The following REV1 variants were observed in gnomAD, a reference collection of about 807,000 sequenced individuals.
REV1 encodes REV1 DNA directed polymerase.
A neutral mutation model predicts 137.4 loss-of-function variants in REV1; 42 were observed. That is an observed-to-expected ratio of 0.31 (90% CI 0.24 to 0.40). REV1 has a LOEUF of 0.40. Among genes scored for constraint, REV1 ranks in the 10% least tolerant of loss-of-function variants. The pLI is 1.00. For missense variants in REV1, 1,282 were observed against 1,490.1 expected, an observed-to-expected ratio of 0.86 and a Z score of 2.30; for synonymous variants, 524 against 519.2, an observed-to-expected ratio of 1.01 and a Z score of -0.12.
In REV1 at chr2:99,462,536, T is replaced by C; in HGVS notation, c.141A>G (p.Thr47=). The C allele has an allele frequency of 6.2e-7, 1 of 1,613,636 alleles. No individual in the cohort carries two copies. The highest frequency in any genetic ancestry group is 8.5e-7 in the Non-Finnish European group (1 of 1,179,852). The change falls in exon 3 of 23, where the codon ACA becomes ACG. Residue 47 remains threonine (T), a synonymous_variant. Transcript: ENST00000258428. ...AAMQKDGTSS[T]IFSGVAIYVN... is the part of the protein sequence containing the mutation. ...CATAGATGGCAACTCCACTAAAAAT[T>C]GTAGATGAAGTCCCATCCTTCTGCA...
chr2:99,443,692 TA>T (rs1681803172), intron 4 of REV1, among the ~76,000 whole-genome samples: 1 of 152,258 alleles, frequency 6.6e-6, no homozygotes, highest in South Asian at 2.1e-4. Flanking sequence ...GCAAGACATG[TA>T]ACCAAATGGA....
In REV1 at chr2:99,406,077, A is replaced by G. The variant is rs780806643; in HGVS notation, c.2644T>C (p.Ser882Pro). 119 of 1,613,368 alleles carry G rather than the reference A, an allele frequency of 7.4e-5. No homozygotes were observed. The highest frequency in any genetic ancestry group is 3.3e-4 in the Middle Eastern group (2 of 6,080). ...AAAGTGCAAGTTCTAGAAGCAGATGATATTTCCAGATCCACAGCAGCCCGA... is the reference window on the plus strand; with the variant it reads ...AAAGTGCAAGTTCTAGAAGCAGATGGTATTTCCAGATCCACAGCAGCCCGA... ...VFRAAVDLEI[S>P]SASRTCTFLP... The change falls in exon 17 of 23, where the codon TCA becomes CCA. Residue 882 changes from serine to proline, a missense_variant. By Grantham distance (74) the Ser-to-Pro change is moderately conservative. This residue lies in a region of REV1 where 372 missense variants were observed against 482.3 expected (regional missense o/e 0.77). Transcript: ENST00000258428.
rs776290733 is a variant in REV1, at chr2:99,464,994, G to A, written c.-10-9C>T. 11 of 1,602,512 alleles carry A rather than the reference G, an allele frequency of 6.9e-6. No homozygotes were observed. The African/African-American group carries it at 1.3e-4, about 20-fold the overall frequency. ...GCCTCATGGTGGAGCTTCTGTATTG[G>A]GGAGGAAAAAAAAAATGTCAATTTT... On this transcript the variant is annotated splice_polypyrimidine_tract_variant and intron_variant, in intron 1 of 22. Transcript: ENST00000258428.
At chr2:99,422,213 ACT>A (rs1356615157) in intron 10 of REV1, among the ~76,000 whole-genome samples, 3 of 152,134 alleles carry the variant, frequency 2.0e-5, no homozygotes, top group African/African-American at 4.8e-5. Context: ...AGTTATCTAC[ACT>A]CTCTGCATGT....
At chr2:99,441,914 G>A (rs1277704287) in intron 5 of REV1, among the ~76,000 whole-genome samples, 1 of 152,100 alleles carries the variant, frequency 6.6e-6, no homozygotes, top group East Asian at 1.9e-4. Context: ...GTTTGTATCT[G>A]CTTCTGTCTG....
chr2:99,465,175 C>T (rs28369941), intron 1 of REV1, among the ~76,000 whole-genome samples, 190 bp from the exon 2 acceptor site: 4 of 146,450 alleles, frequency 2.7e-5, no homozygotes, highest in African/African-American at 7.9e-5. Flanking sequence ...GTCTATAAAA[C>T]ACCCTCCTAC....
rs967925417 is a variant in REV1, at chr2:99,449,351, T to G, written c.335A>C (p.Glu112Ala). The change falls in exon 4 of 23, where the codon GAA (glutamate) becomes GCA (alanine). Residue 112 changes from glutamate (E) to alanine (A), a missense_variant. Physicochemically the swap from Glu to Ala is moderately radical, Grantham distance 107 (BLOSUM62 -1). Around this residue, in one of 7 missense-constraint regions of REV1, gnomAD observed 107 missense variants for 164.3 expected, o/e 0.65. Transcript: ENST00000258428. ...ELKGEKVIRP[E>A]WIVESIKAGR... ...TTAAACTTACCTTTCCACAATCCATTCTGGTCGAATTACTTTTTCCCCCTT... is the reference window on the plus strand; with the variant it reads ...TTAAACTTACCTTTCCACAATCCATGCTGGTCGAATTACTTTTTCCCCCTT... 1 of 1,546,210 alleles carries G rather than the reference T, an allele frequency of 6.5e-7. No individual in the cohort carries two copies. Among genetic ancestry groups the G allele is most frequent in the South Asian group, 1.3e-5 (1 of 76,700 alleles).
At chr2:99,415,805 C>T (rs762230917) in intron 12 of REV1, among the ~76,000 whole-genome samples, 7 of 152,230 alleles carry the variant, frequency 4.6e-5, no homozygotes, top group Non-Finnish European at 8.8e-5. Flanking sequence ...CTAGCAAAGG[C>T]TGAATGAGGT....
intron 13 of REV1, among the ~76,000 whole-genome samples, chr2:99,412,060 C>A (rs565644327): frequency 6.6e-6 from 1 of 151,758 alleles, no homozygotes; most frequent in East Asian, 2.0e-4. Context: ...GGTGAAACCA[C>A]GTCTCTACTA....
chr2:99,460,050 G>A (rs1684005388), intron 3 of REV1, among the ~76,000 whole-genome samples: 1 of 152,144 alleles, frequency 6.6e-6, no homozygotes, highest in South Asian at 2.1e-4. Context: ...ACTGTTCACT[G>A]GAATGAAGTC....
At chr2:99,479,312 G>C (rs1201122295) in intron 1 of REV1, among the ~76,000 whole-genome samples, 6 of 134,212 alleles carry the variant, frequency 4.5e-5, no homozygotes, top group Non-Finnish European at 6.2e-5. Flanking sequence ...GGGTGACAGA[G>C]CGAGACTCTG....
At chr2:99,457,163 T>G (rs1408671762) in intron 3 of REV1, among the ~76,000 whole-genome samples, 1 of 152,070 alleles carries the variant, frequency 6.6e-6, no homozygotes, top group Non-Finnish European at 1.5e-5. Context: ...AAATCCACAT[T>G]CTCCATCAAC....
At chr2:99,407,534 AG>A (rs1676509617) in intron 15 of REV1, among the ~76,000 whole-genome samples, 1 of 151,468 alleles carries the variant, frequency 6.6e-6, no homozygotes, top group African/African-American at 2.4e-5. Flanking sequence ...CCTGGGCAAC[AG>A]GGCAAAAACT....
At chr2:99,446,343 CA>C (rs929423158) in intron 4 of REV1, among the ~76,000 whole-genome samples, 1 of 152,088 alleles carries the variant, frequency 6.6e-6, no homozygotes, top group Non-Finnish European at 1.5e-5. Context: ...TATTTAAAGA[CA>C]AATGATTAAA....
intron 1 of REV1, among the ~76,000 whole-genome samples, chr2:99,488,695 A>G (rs1443169280): frequency 6.6e-6 from 1 of 152,232 alleles, no homozygotes; most frequent in Non-Finnish European, 1.5e-5. Flanking sequence ...GTTGGTGGAC[A>G]GATAGATGGT....
chr2:99,439,926 T>C (rs1305071917), intron 5 of REV1, among the ~76,000 whole-genome samples: 1 of 152,224 alleles, frequency 6.6e-6, no homozygotes, highest in African/African-American at 2.4e-5. Flanking sequence ...AAACTGACTA[T>C]ATTGATTAAC....
At chr2:99,474,736 T>C (rs557302932) in intron 1 of REV1, among the ~76,000 whole-genome samples, 3 of 152,136 alleles carry the variant, frequency 2.0e-5, no homozygotes, top group East Asian at 3.9e-4. Context: ...ACCCTGTCTC[T>C]ATTAAAAAGA....
At chr2:99,420,116 T>C (rs551086210) in intron 11 of REV1, among the ~76,000 whole-genome samples, 4 of 152,348 alleles carry the variant, frequency 2.6e-5, no homozygotes, top group Non-Finnish European at 5.9e-5. Flanking sequence ...CAATGGAATA[T>C]AGAATTCCTA....
chr2:99,439,839 C>T (rs1446813910), intron 5 of REV1, among the ~76,000 whole-genome samples: 3 of 152,096 alleles, frequency 2.0e-5, no homozygotes, highest in Non-Finnish European at 4.4e-5. Context: ...AATTCTTATT[C>T]CTAGTTTTAG....
Sources: allele counts gnomAD v4.1 joint callset (sites outside exome capture counted in the v4.1 genomes callset), GRCh38; gene constraint gnomAD v4.1.1; regional missense constraint gnomAD v4.1.1; transcripts MANE v1.5; gene names NCBI Gene and HGNC (gene_info 2026-07-23, HGNC 2026-07-21).